CACNA2D1: variants seen among roughly 807,000 people sequenced by gnomAD.
The protein encoded by CACNA2D1 is calcium voltage-gated channel auxiliary subunit alpha2delta 1.
Under a neutral mutation model 171.5 loss-of-function variants are expected in CACNA2D1, and 53 were observed. The ratio of observed to expected loss-of-function variants is 0.31; its 90% CI spans 0.25 to 0.39. The LOEUF is 0.39. Ranked by LOEUF, CACNA2D1 falls within the 10% of genes least tolerant of loss-of-function variation. The pLI, the probability that CACNA2D1 is intolerant of heterozygous loss-of-function variation, is 1.00. For missense variants in CACNA2D1, 903 were observed against 1,299.8 expected (o/e 0.69, Z 4.69); for synonymous variants, 442 against 443.1 (o/e 1.00, Z 0.03).
intron 36 of CACNA2D1, among the ~76,000 whole-genome samples, chr7:81,960,037 A>AATTGCAATATATGTTTT (rs1404254217): frequency 6.6e-6 from 1 of 152,094 alleles, no homozygotes; most frequent in Non-Finnish European, 1.5e-5. Flanking sequence ...TGAATAAAAA[A>AATTGCAATATATGTTTT]ATTGCAATAT....
chr7:82,412,280 C>CTTTT (rs11419755), intron 1 of CACNA2D1, among the ~76,000 whole-genome samples: 2 of 124,834 alleles, frequency 1.6e-5, no homozygotes, highest in African/African-American at 3.0e-5. Flanking sequence ...GTGCTTGTAA[C>CTTTT]TTTTTTTTTT....
intron 2 of CACNA2D1, among the ~76,000 whole-genome samples, chr7:82,338,461 T>A (rs931710732): frequency 6.6e-6 from 1 of 152,136 alleles, no homozygotes; most frequent in Non-Finnish European, 1.5e-5. Context: ...TTCCAAGTAG[T>A]TGGAACTACA....
chr7:81,999,115 C>G (rs1383282299), intron 18 of CACNA2D1, among the ~76,000 whole-genome samples: 1 of 152,090 alleles, frequency 6.6e-6, no homozygotes, highest in African/African-American at 2.4e-5. Flanking sequence ...CAGACCCAAA[C>G]AGCATGCATG....
intron 3 of CACNA2D1, among the ~76,000 whole-genome samples, chr7:82,175,753 T>G (rs1047149471): frequency 5.9e-5 from 9 of 152,028 alleles, no homozygotes; most frequent in African/African-American, 2.2e-4. Context: ...GCTAACAATT[T>G]TGCATCTAGG....
chr7:82,434,849 T>A (rs563115712), intron 1 of CACNA2D1, among the ~76,000 whole-genome samples: 1 of 152,178 alleles, frequency 6.6e-6, no homozygotes, highest in Non-Finnish European at 1.5e-5. Flanking sequence ...TGACTTCCTT[T>A]AAGGGGTCAT....
intron 34 of CACNA2D1, 79 bp from the exon 35 acceptor site, chr7:81,962,574 GTTTCCC>G (rs951230060): frequency 1.2e-6 from 1 of 825,622 alleles, no homozygotes; most frequent in Non-Finnish European, 2.0e-6. Context: ...CATAAATACT[GTTTCCC>G]TTTATCTTTT....
At chr7:82,283,555 A>G (rs779899317) in intron 3 of CACNA2D1, among the ~76,000 whole-genome samples, 2 of 152,216 alleles carry the variant, frequency 1.3e-5, no homozygotes, top group Non-Finnish European at 2.9e-5. Context: ...AGTGAACGGT[A>G]TCTGTGAAAA....
chr7:82,001,166 C>T (rs1485605958), intron 18 of CACNA2D1, among the ~76,000 whole-genome samples: 3 of 152,040 alleles, frequency 2.0e-5, no homozygotes, highest in Admixed American at 2.0e-4. Flanking sequence ...AAATTCACTA[C>T]TTATTTGCAC....
At chr7:82,384,652 A>AG in intron 1 of CACNA2D1, among the ~76,000 whole-genome samples, 1 of 152,204 alleles carries the variant, frequency 6.6e-6, no homozygotes, top group South Asian at 2.1e-4. Flanking sequence ...GGAGGAAAAA[A>AG]GAAAAAACTT....
chr7:81,960,020 T>G (rs1304709871), intron 36 of CACNA2D1, among the ~76,000 whole-genome samples, 191 bp from the exon 37 acceptor site: 1 of 152,086 alleles, frequency 6.6e-6, no homozygotes, highest in Non-Finnish European at 1.5e-5. Flanking sequence ...GTATTACCTA[T>G]GTCAAATGAA....
chr7:82,136,529 TA>T, intron 5 of CACNA2D1, 105 bp downstream of exon 5: 1 of 822,490 alleles, frequency 1.2e-6, no homozygotes, highest in Non-Finnish European at 2.0e-6. Flanking sequence ...TCATGCAGTC[TA>T]ACATTGTCTT....
At position 82,020,649 on chromosome 7, in the gene CACNA2D1, C is replaced by T. The variant is rs145724947; in HGVS notation, c.1144-6170G>A. ...TTAGCCTTTTATGCCTCAAGAGGAA[C>T]CTAAAATAACTCAAAATAACACCTT... On this transcript the variant is annotated intron_variant, in intron 12 of 38. Coordinates refer to ENST00000356860, the MANE Select transcript of CACNA2D1 (RefSeq NM_000722.4). 8.4e-3 allele frequency among the ~76,000 whole-genome samples: 1,276 copies of T among 152,012 alleles called. 6 individuals carry two copies. Among genetic ancestry groups the T allele is most frequent in the Non-Finnish European group, 0.013 (885 of 67,992 alleles).
At chr7:82,163,650 C>A (rs1016929558) in intron 4 of CACNA2D1, among the ~76,000 whole-genome samples, 1 of 151,930 alleles carries the variant, frequency 6.6e-6, no homozygotes, top group Non-Finnish European at 1.5e-5. Context: ...TTATTAAAAA[C>A]CTTTTGGGTT....
At chr7:82,191,319 A>G (rs923756105) in intron 3 of CACNA2D1, among the ~76,000 whole-genome samples, 2 of 151,826 alleles carry the variant, frequency 1.3e-5, no homozygotes, top group African/African-American at 4.8e-5. Context: ...AATATAATTT[A>G]TTTCCAGTCT....
chr7:82,312,509 C>CTTTTTT (rs557443177), intron 3 of CACNA2D1, among the ~76,000 whole-genome samples: 1 of 118,990 alleles, frequency 8.4e-6, no homozygotes. Context: ...TTAACTGAAA[C>CTTTTTT]TTTTTTTTTT....
chr7:82,029,493 A>ACC (rs1484829222), intron 12 of CACNA2D1: 1 of 151,750 alleles, frequency 6.6e-6, no homozygotes, highest in Non-Finnish European at 1.5e-5. Flanking sequence ...CCCTGAGTTA[A>ACC]CTGTCTTATT....
chr7:82,411,609 A>T (rs1827669871), intron 1 of CACNA2D1, among the ~76,000 whole-genome samples: 1 of 151,928 alleles, frequency 6.6e-6, no homozygotes, highest in Non-Finnish European at 1.5e-5. Context: ...TACATCCAAG[A>T]ATCTAAAACC....
At chr7:82,019,756 T>C (rs1259453977) in intron 12 of CACNA2D1, among the ~76,000 whole-genome samples, 1 of 152,158 alleles carries the variant, frequency 6.6e-6, no homozygotes, top group Non-Finnish European at 1.5e-5. Context: ...TTACCCAGAG[T>C]TCAACTTTAA....
chr7:82,313,842 G>A (rs1004175738), intron 3 of CACNA2D1, among the ~76,000 whole-genome samples: 1 of 151,964 alleles, frequency 6.6e-6, no homozygotes, highest in Non-Finnish European at 1.5e-5. Context: ...ATAGGATTTC[G>A]AGTATTTCTC....
Sources: allele counts gnomAD v4.1 joint callset (sites outside exome capture counted in the v4.1 genomes callset), GRCh38; gene constraint gnomAD v4.1.1; transcripts MANE v1.5; gene names NCBI Gene and HGNC (gene_info 2026-07-23, HGNC 2026-07-21).